The following MICU1 variants were observed in gnomAD, a reference collection of about 807,000 sequenced individuals.
MICU1 encodes the protein calcium uptake protein 1, mitochondrial.
In MICU1, 45 loss-of-function variants were observed where a neutral mutation model predicts 56.8. The ratio of observed to expected loss-of-function variants is 0.79; its 90% CI spans 0.62 to 1.02. The LOEUF (loss-of-function observed/expected upper bound fraction) is 1.02. MICU1 is among the 50% of genes least tolerant of loss of function. MICU1 has a pLI of 0.00. For synonymous variants in MICU1, 186 were observed against 195.1 expected (o/e 0.95, Z 0.39); for missense variants, 504 against 587.1 (o/e 0.86, Z 1.46).
intron 1 of MICU1, among the ~76,000 whole-genome samples, chr10:72,595,941 G>A (rs907042887): frequency 2.6e-5 from 4 of 151,684 alleles, no homozygotes; most frequent in African/African-American, 9.7e-5. Flanking sequence ...ACTAGTCTGG[G>A]CAACACAGTG....
In MICU1 at chr10:72,551,692, G is replaced by A. The variant is rs1840039559; in HGVS notation, c.331-351C>T. ...AAATTTCAGAAGATTTCAGTAATAG[G>A]GTACAATGCCATATATATGCCAACC... On this transcript the variant is annotated intron_variant, in intron 3 of 11. Coordinates refer to ENST00000361114, the MANE Select transcript of MICU1 (RefSeq NM_001195518.2). Among the ~76,000 whole-genome samples the A allele has an allele frequency of 2.0e-5, 3 of 151,860 alleles. 1 individual carries two copies. The South Asian group carries it at 6.3e-4, about 32-fold the overall frequency.
At chr10:72,503,193 G>C (rs1177914056) in intron 6 of MICU1, among the ~76,000 whole-genome samples, 1 of 152,166 alleles carries the variant, frequency 6.6e-6, no homozygotes, top group Non-Finnish European at 1.5e-5. Flanking sequence ...TGGAGTCTCA[G>C]CGGGAGAGGA....
intron 3 of MICU1, among the ~76,000 whole-genome samples, chr10:72,553,463 G>C (rs985077650): frequency 2.6e-5 from 4 of 152,012 alleles, no homozygotes; most frequent in African/African-American, 9.7e-5. Context: ...TTGATCTCCA[G>C]ACCTCATGAT....
At chr10:72,389,603 T>C (rs1863002102) in intron 10 of MICU1, among the ~76,000 whole-genome samples, 1 of 152,174 alleles carries the variant, frequency 6.6e-6, no homozygotes, top group African/African-American at 2.4e-5. Flanking sequence ...GCGTGAATAG[T>C]AAAGACCAGG....
At chr10:72,476,888 T>A (rs114615203) in intron 7 of MICU1, among the ~76,000 whole-genome samples, 2 of 152,222 alleles carry the variant, frequency 1.3e-5, no homozygotes, top group African/African-American at 4.8e-5. Context: ...TGAATTGCCA[T>A]AATTTAGCTT....
intron 8 of MICU1, among the ~76,000 whole-genome samples, chr10:72,448,119 ATATGTGTGTG>A (rs1865164212): frequency 2.1e-5 from 1 of 47,648 alleles, no homozygotes; most frequent in African/African-American, 4.6e-5. Context: ...AAGTTTATAT[ATATGTGTGTG>A]TGTGTGTGTG....
chr10:72,544,804 A>G (rs2132431460), intron 4 of MICU1, among the ~76,000 whole-genome samples: 1 of 152,348 alleles, frequency 6.6e-6, no homozygotes, highest in Non-Finnish European at 1.5e-5. Context: ...GTCCTACTCA[A>G]GTATGATTAC....
chr10:72,494,869 C>A (rs1475836214), intron 6 of MICU1, among the ~76,000 whole-genome samples: 1 of 150,698 alleles, frequency 6.6e-6, no homozygotes, highest in African/African-American at 2.5e-5. Flanking sequence ...AAACAAAAAA[C>A]CATGTATAAT....
intron 5 of MICU1, among the ~76,000 whole-genome samples, chr10:72,530,490 T>C (rs1339358169): frequency 6.6e-6 from 1 of 151,942 alleles, no homozygotes. Flanking sequence ...TTTTAAACTT[T>C]TAAACCTAGT....
In MICU1 at chr10:72,608,488, G is replaced by A. The variant is rs551550515; in HGVS notation, c.-2+17522C>T. On this transcript the variant is annotated intron_variant, in intron 1 of 11. Transcript: ENST00000361114. ...CAAATGGCCAATAAGCACATGAAAA[G>A]ATGCTCAACATCATCAATCATTAGG... 2.7e-3 allele frequency among the ~76,000 whole-genome samples: 416 copies of A among 152,292 alleles called. 1 individual carries two copies. The highest frequency in any genetic ancestry group is 9.6e-3 in the African/African-American group (397 of 41,548).
intron 8 of MICU1, among the ~76,000 whole-genome samples, chr10:72,469,760 T>C (rs1419145319): frequency 1.3e-5 from 2 of 152,208 alleles, no homozygotes; most frequent in African/African-American, 4.8e-5. Context: ...ACTAGGACTT[T>C]TTCTCATAGT....
intron 8 of MICU1, among the ~76,000 whole-genome samples, chr10:72,424,483 C>CA (rs1864284069): frequency 6.7e-6 from 1 of 148,404 alleles, no homozygotes. Flanking sequence ...TTTTTAATTA[C>CA]TTTTTTTTTT....
chr10:72,606,179 AC>A (rs1241715690), intron 1 of MICU1, among the ~76,000 whole-genome samples: 1 of 151,826 alleles, frequency 6.6e-6, no homozygotes, highest in Admixed American at 6.6e-5. Context: ...AACTATGTAA[AC>A]CTAAATCTCT....
chr10:72,565,062 C>G (rs1046623234), intron 2 of MICU1, among the ~76,000 whole-genome samples: 3 of 151,348 alleles, frequency 2.0e-5, no homozygotes, highest in African/African-American at 7.3e-5. Context: ...GGGCAAGTCA[C>G]TTGACCCCAG....
intron 10 of MICU1, among the ~76,000 whole-genome samples, chr10:72,377,524 A>C (rs1000008644): frequency 1.3e-5 from 2 of 152,164 alleles, no homozygotes; most frequent in African/African-American, 4.8e-5. Flanking sequence ...TTTCCCAGAC[A>C]TTCACCGTCA....
chr10:72,581,375 A>AGC (rs1840893426), intron 1 of MICU1, among the ~76,000 whole-genome samples: 1 of 152,204 alleles, frequency 6.6e-6, no homozygotes, highest in Admixed American at 6.5e-5. Flanking sequence ...CACACCTGTA[A>AGC]TCCCAGCACT....
intron 9 of MICU1, among the ~76,000 whole-genome samples, chr10:72,417,701 A>C (rs1323179134): frequency 2.0e-5 from 3 of 152,180 alleles, no homozygotes; most frequent in South Asian, 2.1e-4. Flanking sequence ...GGTTTTTCAG[A>C]GCATCAATAG....
At chr10:72,492,533 C>T (rs898223007) in intron 6 of MICU1, among the ~76,000 whole-genome samples, 28 of 152,076 alleles carry the variant, frequency 1.8e-4, no homozygotes, top group Admixed American at 1.3e-3. Context: ...GAGGTTGAGG[C>T]GGATGGATCA....
At chr10:72,420,332 A>C (rs1335876263) in intron 9 of MICU1, among the ~76,000 whole-genome samples, 2 of 152,172 alleles carry the variant, frequency 1.3e-5, no homozygotes, top group Non-Finnish European at 2.9e-5. Flanking sequence ...AAGTGCTGGG[A>C]TTACAGGCAT....
Sources: gnomAD v4.1 joint callset for allele counts (sites outside exome capture counted in the v4.1 genomes callset) on GRCh38, gnomAD v4.1.1 for gene constraint, MANE v1.5 for transcripts, NCBI Gene and HGNC (gene_info 2026-07-23, HGNC 2026-07-21) for gene names.